Variants in FCHSD2 observed in about 807,000 individuals in gnomAD.
FCHSD2 encodes FCH and double SH3 domains 2, also known as F-BAR and double SH3 domains protein 2.
In FCHSD2, 38 loss-of-function variants were observed where a neutral mutation model predicts 108.1. That is an observed-to-expected ratio of 0.35 (90% CI 0.27 to 0.46). FCHSD2 has a LOEUF of 0.46. FCHSD2 is among the 20% of genes least tolerant of loss of function. The pLI, the probability that FCHSD2 is intolerant of heterozygous loss-of-function variation, is 1.00. For missense variants in FCHSD2, 751 were observed against 897.8 expected, an observed-to-expected ratio of 0.84 and a Z score of 2.09; for synonymous variants, 279 against 314.7, an observed-to-expected ratio of 0.89 and a Z score of 1.20.
rs145243066 is a variant in FCHSD2, at chr11:72,862,365, A to G, written c.1308+5500T>C. On this transcript the variant is annotated intron_variant, in intron 13 of 19. Coordinates refer to ENST00000409418, the MANE Select transcript of FCHSD2 (RefSeq NM_014824.3). The stretch of plus-strand genomic sequence containing the variant: ...AATCCTATGGATTTACAAAAAAGCT[A>G]CTAGAACTAATAAGTGAGTTTAGCA... 4.1e-3 allele frequency among the ~76,000 whole-genome samples: 619 copies of G among 152,346 alleles called. 8 individuals carry two copies. Among genetic ancestry groups the G allele is most frequent in the African/African-American group, 0.014 (592 of 41,582 alleles).
chr11:73,073,667 A>T (rs1314823971), intron 3 of FCHSD2, among the ~76,000 whole-genome samples: 1 of 152,224 alleles, frequency 6.6e-6, no homozygotes, highest in Non-Finnish European at 1.5e-5. Context: ...GAGGATAACA[A>T]TATACATTCC....
chr11:73,019,790 G>A (rs532938778), intron 3 of FCHSD2, among the ~76,000 whole-genome samples: 1 of 152,102 alleles, frequency 6.6e-6, no homozygotes, highest in African/African-American at 2.4e-5. Context: ...AAATTAACTG[G>A]TTTCCTCTAT....
At chr11:73,112,174 T>G (rs745787298) in intron 2 of FCHSD2, among the ~76,000 whole-genome samples, 9 of 152,230 alleles carry the variant, frequency 5.9e-5, no homozygotes, top group Non-Finnish European at 1.3e-4. Context: ...ATAGGACAGG[T>G]CTGGTGTTGA....
chr11:73,132,967 A>G (rs1861038609), intron 2 of FCHSD2, among the ~76,000 whole-genome samples: 1 of 152,228 alleles, frequency 6.6e-6, no homozygotes, highest in Non-Finnish European at 1.5e-5. Context: ...ACTTGAATAG[A>G]CATTTCTTCA....
At chr11:72,961,250 G>A (rs1290046350) in intron 8 of FCHSD2, among the ~76,000 whole-genome samples, 1 of 151,962 alleles carries the variant, frequency 6.6e-6, no homozygotes, top group Non-Finnish European at 1.5e-5. Context: ...TTTGTTTTTT[G>A]AGACAGAGTC....
At chr11:72,905,561 T>C (rs1855611262) in intron 9 of FCHSD2, among the ~76,000 whole-genome samples, 1 of 152,150 alleles carries the variant, frequency 6.6e-6, no homozygotes, top group Admixed American at 6.5e-5. Flanking sequence ...TTACGTTAGG[T>C]ATTTCTCCCA....
chr11:72,843,998 A>G (rs1053978838), intron 14 of FCHSD2, among the ~76,000 whole-genome samples: 2 of 152,104 alleles, frequency 1.3e-5, no homozygotes, highest in Non-Finnish European at 1.5e-5. Flanking sequence ...ACAGAGCGAG[A>G]CCCTGTCTCT....
At chr11:72,896,690 C>T (rs894348461) in intron 10 of FCHSD2, among the ~76,000 whole-genome samples, 3 of 134,224 alleles carry the variant, frequency 2.2e-5, no homozygotes, top group Non-Finnish European at 4.6e-5. Flanking sequence ...AAAAGTATTG[C>T]AAGTATTTCA....
In FCHSD2 at chr11:73,087,686, C is replaced by CA. The variant is rs1859854441; in HGVS notation, c.120-3947dup. Among the ~76,000 whole-genome samples the CA allele has an allele frequency of 6.1e-5, 9 of 148,050 alleles. No homozygotes were observed. The South Asian group carries it at 1.9e-3, about 32-fold the overall frequency. On this transcript the variant is annotated intron_variant, in intron 2 of 19. Coordinates refer to ENST00000409418, the MANE Select transcript of FCHSD2 (RefSeq NM_014824.3). Reference sequence around the variant, plus strand: ...CACCACTGCACTCCAGCCTGGGCAACAGAGCGAGGCTTTGTCTCAAAAAAA... The same window carrying CA: ...CACCACTGCACTCCAGCCTGGGCAACAAGAGCGAGGCTTTGTCTCAAAAAAA...
chr11:72,851,115 A>AG (rs1861277050), intron 13 of FCHSD2, among the ~76,000 whole-genome samples: 1 of 151,244 alleles, frequency 6.6e-6, no homozygotes, highest in South Asian at 2.1e-4. Context: ...AAAAAAAAAA[A>AG]AAAAAAAAAG....
At chr11:73,044,356 T>A (rs1858707204) in intron 3 of FCHSD2, among the ~76,000 whole-genome samples, 1 of 152,132 alleles carries the variant, frequency 6.6e-6, no homozygotes, top group South Asian at 2.1e-4. Flanking sequence ...GGTAGGAGTA[T>A]CGCTTGAGCC....
At chr11:72,993,745 C>T (rs1357399080) in intron 5 of FCHSD2, among the ~76,000 whole-genome samples, 2 of 134,658 alleles carry the variant, frequency 1.5e-5, no homozygotes, top group Non-Finnish European at 3.1e-5. Context: ...ACATCACACA[C>T]TGGGGCCTGT....
intron 3 of FCHSD2, among the ~76,000 whole-genome samples, chr11:73,017,611 A>G (rs763173938): frequency 1.3e-5 from 2 of 152,138 alleles, no homozygotes; most frequent in Non-Finnish European, 2.9e-5. Context: ...CTTGTATAGA[A>G]CTACATATCC....
At chr11:72,848,952 C>T (rs1471136726) in intron 14 of FCHSD2, among the ~76,000 whole-genome samples, 1 of 152,130 alleles carries the variant, frequency 6.6e-6, no homozygotes, top group Non-Finnish European at 1.5e-5. Context: ...AATGCTAACA[C>T]TTTCAATGAA....
intron 2 of FCHSD2, among the ~76,000 whole-genome samples, chr11:73,133,570 T>C (rs1222272994): frequency 6.6e-6 from 1 of 152,050 alleles, no homozygotes; most frequent in Non-Finnish European, 1.5e-5. Context: ...GGTCAGGAGA[T>C]GGCCAAACCC....
At chr11:73,067,824 T>C (rs1466701385) in intron 3 of FCHSD2, among the ~76,000 whole-genome samples, 1 of 152,216 alleles carries the variant, frequency 6.6e-6, no homozygotes, top group African/African-American at 2.4e-5. Context: ...AGGACCTTTA[T>C]GAGGTACCTG....
intron 8 of FCHSD2, among the ~76,000 whole-genome samples, chr11:72,968,346 A>C (rs979419651): frequency 1.3e-5 from 2 of 152,176 alleles, no homozygotes; most frequent in Admixed American, 6.5e-5. Flanking sequence ...TGTTTCCTAG[A>C]AAATACCTTC....
At chr11:72,926,643 T>G (rs1171254366) in intron 8 of FCHSD2, among the ~76,000 whole-genome samples, 1 of 152,170 alleles carries the variant, frequency 6.6e-6, no homozygotes, top group African/African-American at 2.4e-5. Context: ...TCCTCTGAGC[T>G]GTTTTAACAG....
chr11:73,112,941 C>T (rs1860521874), intron 2 of FCHSD2, among the ~76,000 whole-genome samples: 1 of 152,196 alleles, frequency 6.6e-6, no homozygotes, highest in Non-Finnish European at 1.5e-5. Context: ...GCTGGGATTA[C>T]AGGCATGAGC....
Sources: allele counts gnomAD v4.1 joint callset (sites outside exome capture counted in the v4.1 genomes callset), GRCh38; gene constraint gnomAD v4.1.1; transcripts MANE v1.5; gene names NCBI Gene and HGNC (gene_info 2026-07-23, HGNC 2026-07-21).